The following CLVS1 variants were observed in gnomAD, a reference collection of about 807,000 sequenced individuals.
The protein encoded by CLVS1 is clavesin-1.
Under a neutral mutation model 33.1 loss-of-function variants are expected in CLVS1, and 10 were observed. That is an observed-to-expected ratio of 0.30 (90% confidence interval 0.19 to 0.51). The LOEUF (loss-of-function observed/expected upper bound fraction) is 0.51. CLVS1 is among the 20% of genes least tolerant of loss of function. CLVS1 has a pLI of 0.97. For synonymous variants in CLVS1, 163 were observed against 166.1 expected, an observed-to-expected ratio of 0.98 and a Z score of 0.14; for missense variants, 343 against 433.4, an observed-to-expected ratio of 0.79 and a Z score of 1.85.
rs572401230 is a variant in CLVS1 at position 61,121,059 on chromosome 8, G to A, written c.-242-10711G>A. ...GCGTAGGACCCTCCAAGCCAGGTGC[G>A]GGGTATAATCTCGTGGTGCGCCGTT... On this transcript the variant is annotated intron_variant, in intron 1 of 2. Coordinates refer to the CLVS1 transcript ENST00000522621. 1.8e-4 allele frequency among the ~76,000 whole-genome samples: 27 copies of A among 152,064 alleles called. No individual in the cohort carries two copies. The South Asian group carries it at 5.2e-3, about 30-fold the overall frequency.
chr8:61,471,801 T>C (rs1817746363), intron 5 of CLVS1, among the ~76,000 whole-genome samples: 1 of 152,202 alleles, frequency 6.6e-6, no homozygotes, highest in African/African-American at 2.4e-5. Flanking sequence ...TCTTTATTAG[T>C]GTTGCTCCTT....
the CLVS1 span, among the ~76,000 whole-genome samples, chr8:60,998,213 A>C: frequency 6.6e-6 from 1 of 151,996 alleles, no homozygotes; most frequent in African/African-American, 2.4e-5. Flanking sequence ...GCGATTTGAG[A>C]GCAGGACATG....
the CLVS1 span, among the ~76,000 whole-genome samples, chr8:61,031,877 G>T: frequency 2.1e-4 from 32 of 152,244 alleles, no homozygotes; most frequent in East Asian, 5.6e-3. Context: ...GGGGCGGGGT[G>T]GGGGAGAAGT....
chr8:61,154,801 A>G (rs1352670789), intron 2 of CLVS1, among the ~76,000 whole-genome samples: 8 of 152,348 alleles, frequency 5.3e-5, no homozygotes, highest in South Asian at 2.1e-4. Flanking sequence ...TTCATTATTC[A>G]TAGCATAGAG....
chr8:61,087,335 T>C (rs990156812), intron 1 of CLVS1, among the ~76,000 whole-genome samples: 11 of 152,188 alleles, frequency 7.2e-5, no homozygotes, highest in Non-Finnish European at 2.9e-5. Context: ...TGGCTGTCAC[T>C]GTTGAGTTCT....
At chr8:61,085,452 A>G (rs1232629223) in intron 1 of CLVS1, among the ~76,000 whole-genome samples, 5 of 152,130 alleles carry the variant, frequency 3.3e-5, no homozygotes, top group Admixed American at 6.5e-5. Flanking sequence ...CTCAATGTTT[A>G]TTAAACAAAC....
the CLVS1 span, among the ~76,000 whole-genome samples, chr8:61,049,089 A>G: frequency 6.6e-6 from 1 of 152,242 alleles, no homozygotes; most frequent in Non-Finnish European, 1.5e-5. Flanking sequence ...TTATTTAAGC[A>G]TAATGCATAC....
At chr8:61,148,589 AG>A (rs1563421093) in intron 2 of CLVS1, among the ~76,000 whole-genome samples, 1 of 152,216 alleles carries the variant, frequency 6.6e-6, no homozygotes, top group East Asian at 1.9e-4. Context: ...AACAAGATAC[AG>A]GTTCCTCCAG....
At chr8:61,257,025 A>T (rs1332044997) in intron 2 of CLVS1, among the ~76,000 whole-genome samples, 1 of 152,204 alleles carries the variant, frequency 6.6e-6, no homozygotes, top group Non-Finnish European at 1.5e-5. Context: ...CATTTTCCTA[A>T]TGTTCAACAT....
chr8:61,435,124 G>C (rs1027594202), intron 3 of CLVS1, among the ~76,000 whole-genome samples: 2 of 152,048 alleles, frequency 1.3e-5, no homozygotes, highest in African/African-American at 4.8e-5. Flanking sequence ...AAAAATCAGA[G>C]CTCACTCCTT....
intron 5 of CLVS1, among the ~76,000 whole-genome samples, chr8:61,479,854 AC>A (rs999242964): frequency 3.3e-5 from 5 of 152,118 alleles, no homozygotes; most frequent in African/African-American, 1.2e-4. Context: ...TCCACTCCAG[AC>A]CCTGTTTGCC....
At chr8:60,976,816 T>G in the CLVS1 span, among the ~76,000 whole-genome samples, 1 of 152,242 alleles carries the variant, frequency 6.6e-6, no homozygotes, top group Non-Finnish European at 1.5e-5. Flanking sequence ...TGATGCGGCT[T>G]TCTGCCGCCC....
At chr8:61,211,252 T>A (rs1182223774) in intron 2 of CLVS1, among the ~76,000 whole-genome samples, 5 of 151,928 alleles carry the variant, frequency 3.3e-5, no homozygotes, top group East Asian at 1.9e-4. Flanking sequence ...AAATAGATAG[T>A]CCCTAGAGAT....
chr8:61,486,207 A>T (rs921945749), intron 5 of CLVS1, among the ~76,000 whole-genome samples: 1 of 152,198 alleles, frequency 6.6e-6, no homozygotes, highest in Admixed American at 6.5e-5. Flanking sequence ...CAGCTTTGAA[A>T]GAGGTACTCA....
intron 2 of CLVS1, among the ~76,000 whole-genome samples, chr8:61,187,102 GT>G (rs1451403747): frequency 6.7e-6 from 1 of 149,424 alleles, no homozygotes; most frequent in African/African-American, 2.4e-5. Context: ...AGCGATGAGT[GT>G]TTCCAAACAT....
At chr8:61,055,940 G>A (rs1297179112), upstream of CLVS1, among the ~76,000 whole-genome samples, 1 of 152,248 alleles carries the variant, frequency 6.6e-6, no homozygotes, top group Non-Finnish European at 1.5e-5. Flanking sequence ...CGCTTAACAT[G>A]TGGCTCCCAG....
At chr8:61,019,180 G>T in the CLVS1 span, among the ~76,000 whole-genome samples, 1 of 152,242 alleles carries the variant, frequency 6.6e-6, no homozygotes, top group Non-Finnish European at 1.5e-5. Flanking sequence ...GGCTTCTAAA[G>T]CATGAGAGTA....
chr8:60,967,615 G>C, the CLVS1 span: 9 of 455,698 alleles, frequency 2.0e-5, no homozygotes, highest in Non-Finnish European at 3.1e-5. Flanking sequence ...ACCATGTGTG[G>C]CTGCCTCTGG....
chr8:61,356,879 A>G (rs1036119750), intron 2 of CLVS1, among the ~76,000 whole-genome samples: 3 of 152,090 alleles, frequency 2.0e-5, no homozygotes, highest in African/African-American at 7.2e-5. Flanking sequence ...TTGGCTTGGG[A>G]TTGACTTGGC....
Sources: gnomAD v4.1 joint callset for allele counts (sites outside exome capture counted in the v4.1 genomes callset) on GRCh38, gnomAD v4.1.1 for gene constraint, MANE v1.5 for transcripts, NCBI Gene and HGNC (gene_info 2026-07-23, HGNC 2026-07-21) for gene names.